CCDC14: variants seen among roughly 807,000 people sequenced by gnomAD.
CCDC14 encodes coiled-coil domain containing 14.
A neutral mutation model predicts 81.4 loss-of-function variants in CCDC14; 71 were observed. That is an observed-to-expected ratio of 0.87 (90% CI 0.72 to 1.06). The LOEUF is 1.06. Among genes scored for constraint, CCDC14 ranks in the 50% least tolerant of loss-of-function variants. The probability of loss-of-function intolerance (pLI) is 0.00; values close to 1 mark genes in which losing one functional copy is unlikely to be tolerated. For synonymous variants in CCDC14, 332 were observed against 364.8 expected (o/e 0.91, Z 1.03); for missense variants, 1,046 against 1,047.3 (o/e 1.00, Z 0.02).
chr3:123,906,833 A>G (rs965377323), intron 5 of CCDC14, among the ~76,000 whole-genome samples: 1 of 152,192 alleles, frequency 6.6e-6, no homozygotes. Flanking sequence ...TATCAAAACT[A>G]TTATGTTTAA....
At chr3:123,898,301 CAG>C (rs1307052574) in intron 5 of CCDC14, among the ~76,000 whole-genome samples, 1 of 152,232 alleles carries the variant, frequency 6.6e-6, no homozygotes, top group Non-Finnish European at 1.5e-5. Flanking sequence ...AGCATATCAG[CAG>C]AGTGTTTGAC....
At chr3:123,910,456 A>G (rs902602101), downstream of CCDC14, among the ~76,000 whole-genome samples, 5 of 152,196 alleles carry the variant, frequency 3.3e-5, no homozygotes, top group East Asian at 7.7e-4. Context: ...AAATATTGTC[A>G]TAAGTCACAG....
At position 123,961,077 on chromosome 3, in the gene CCDC14, C is replaced by T. The variant is rs992344972; in HGVS notation, c.30+67G>A. Reference sequence around the variant, plus strand: ...TTTTTCGAGCAGAGTTTTACAAGTTCCTGGCCCGAAAACCCCCCTGTCCCT... The same window carrying T: ...TTTTTCGAGCAGAGTTTTACAAGTTTCTGGCCCGAAAACCCCCCTGTCCCT... On this transcript the variant is annotated intron_variant, in intron 1 of 12. Coordinates refer to ENST00000409697, the MANE Select transcript of CCDC14 (RefSeq NM_001366335.1). 5.1e-6 allele frequency: 7 copies of T among 1,360,064 alleles called. No homozygotes were observed. The African/African-American group carries it at 7.3e-5, about 14-fold the overall frequency. 84.2% of individuals were successfully genotyped at this position (1,360,064 alleles called of 1,614,324 possible).
chr3:123,944,760 A>T (rs1559794479), intron 9 of CCDC14, 89 bp downstream of exon 9: 1 of 891,658 alleles, frequency 1.1e-6, no homozygotes, highest in African/African-American at 1.7e-5. Flanking sequence ...AATTTTACTT[A>T]TGAAGTCCTA....
rs758155968 is a variant in CCDC14, at chr3:123,931,082, T to G, written c.1778+20A>C. On this transcript the variant is annotated intron_variant, in intron 12 of 12. Coordinates refer to ENST00000409697, the MANE Select transcript of CCDC14 (RefSeq NM_001366335.1). ...TAAAAATAAAAAAGGCATGAGTTATTCAAAGGAAGTCAATTTTACCTGGTT... is the reference window on the plus strand; with the variant it reads ...TAAAAATAAAAAAGGCATGAGTTATGCAAAGGAAGTCAATTTTACCTGGTT... The G allele has an allele frequency of 1.2e-5, 18 of 1,556,842 alleles. No homozygotes were observed. The highest frequency in any genetic ancestry group is 9.1e-5 in the Admixed American group (4 of 44,182).
rs1222007000 is a variant in CCDC14 at position 123,933,687 on chromosome 3, T to G, written c.1412A>C (p.Asp471Ala). ...CTTTTACCTACATTCAAGGTTGCAA[T>G]CCACAGCACCAGATGGTTTTTGAGT... ...QKTQKPSGAV[D>A]CNLELFSLQS... is the part of the protein sequence containing the mutation. Residue 471 changes from aspartate (D) to alanine (A), a missense_variant, in exon 10 of 13, where the codon GAT (aspartate) becomes GCT (alanine). Coordinates refer to ENST00000409697, the MANE Select transcript of CCDC14 (RefSeq NM_001366335.1). The G allele has an allele frequency of 6.4e-7, 1 of 1,572,738 alleles. No individual in the cohort carries two copies. Among genetic ancestry groups the G allele is most frequent in the Non-Finnish European group, 8.6e-7 (1 of 1,156,328 alleles).
At chr3:123,907,619 G>A (rs1005220490) in intron 5 of CCDC14, among the ~76,000 whole-genome samples, 1 of 151,720 alleles carries the variant, frequency 6.6e-6, no homozygotes, top group African/African-American at 2.4e-5. Flanking sequence ...TCAGGAGGAT[G>A]CCTTGAACCC....
At chr3:123,896,127 G>A (rs760429057), downstream of CCDC14, among the ~76,000 whole-genome samples, 1 of 152,230 alleles carries the variant, frequency 6.6e-6, no homozygotes, top group African/African-American at 2.4e-5. Flanking sequence ...GCAGTGTTGA[G>A]AGATGCGGTC....
chr3:123,959,915 A>G (rs1239560285), intron 1 of CCDC14, among the ~76,000 whole-genome samples: 1 of 152,218 alleles, frequency 6.6e-6, no homozygotes, highest in African/African-American at 2.4e-5. Flanking sequence ...TGGAAGTAAT[A>G]TAATAATGGT....
chr3:123,913,798 A>T lies in CCDC14; in HGVS notation c.*981T>A, dbSNP rs2034512189. ...ATTAGAGTAGGCAGGTGACCTGTAC[A>T]AAGTATTAGTGATAACACAACATTC... On this transcript the variant is annotated 3_prime_UTR_variant, in exon 13 of 13. Transcript: ENST00000409697. 4.1e-6 allele frequency: 4 copies of T among 985,372 alleles called. No individual in the cohort carries two copies. The South Asian group carries it at 1.9e-4, about 46-fold the overall frequency. The allele number at this position is 985,372 out of a possible 1,614,324, so 61.0% of individuals were successfully genotyped here.
downstream of CCDC14, among the ~76,000 whole-genome samples, chr3:123,896,677 A>G (rs1470072956): frequency 6.6e-6 from 1 of 152,216 alleles, no homozygotes; most frequent in Non-Finnish European, 1.5e-5. Flanking sequence ...TTTTTAAAAA[A>G]GATCAGTTCC....
intron 5 of CCDC14, among the ~76,000 whole-genome samples, chr3:123,901,942 A>C (rs1260472275): frequency 6.6e-6 from 1 of 152,208 alleles, no homozygotes; most frequent in Non-Finnish European, 1.5e-5. Context: ...CAGAGAAATA[A>C]AAATAAAAGT....
At chr3:123,891,812 C>G in the CCDC14 span, among the ~76,000 whole-genome samples, 2,799 of 152,292 alleles carry the variant, frequency 0.018, 74 homozygotes, top group African/African-American at 0.063. Context: ...TTCAGCAGCA[C>G]CCCACTCTGC....
chr3:123,950,984 G>A (rs987855280), intron 5 of CCDC14, among the ~76,000 whole-genome samples: 9 of 151,956 alleles, frequency 5.9e-5, no homozygotes, highest in African/African-American at 1.7e-4. Flanking sequence ...ATTTGACTAC[G>A]AAAATGGCTG....
intron 10 of CCDC14, 124 bp downstream of exon 10, chr3:123,933,549 T>C: frequency 1.5e-6 from 1 of 670,058 alleles, no homozygotes; most frequent in South Asian, 2.1e-5. Context: ...CAGCATCTTT[T>C]ATTTTCTTAT....
chr3:123,955,631 C>T, intron 5 of CCDC14: 1 of 377,618 alleles, frequency 2.6e-6, no homozygotes, highest in Non-Finnish European at 4.6e-6. Flanking sequence ...AAAACCCTGA[C>T]AGTCTCTTTT....
At chr3:123,957,657 A>G (rs1305226171) in intron 1 of CCDC14, 1 of 152,090 alleles carries the variant, frequency 6.6e-6, no homozygotes, top group East Asian at 1.9e-4. Flanking sequence ...TGCATCCAGT[A>G]TCTTGGGAGT....
intron 9 of CCDC14, among the ~76,000 whole-genome samples, chr3:123,934,560 T>G (rs2035953397): frequency 6.6e-6 from 1 of 152,144 alleles, no homozygotes; most frequent in African/African-American, 2.4e-5. Context: ...AATAATTTTA[T>G]TAGATGGAAA....
At chr3:123,904,153 T>A (rs531965725) in intron 5 of CCDC14, among the ~76,000 whole-genome samples, 1 of 152,256 alleles carries the variant, frequency 6.6e-6, no homozygotes, top group East Asian at 1.9e-4. Flanking sequence ...AGAGAATAAA[T>A]TAGATCCATA....
Sources: gnomAD v4.1 joint callset for allele counts (sites outside exome capture counted in the v4.1 genomes callset) on GRCh38, gnomAD v4.1.1 for gene constraint, MANE v1.5 for transcripts, NCBI Gene and HGNC (gene_info 2026-07-23, HGNC 2026-07-21) for gene names.